Variants in FOXK1 observed in about 807,000 individuals in gnomAD.
The protein encoded by FOXK1 is forkhead box protein K1.
Under a neutral mutation model 51.9 loss-of-function variants are expected in FOXK1, and 19 were observed. The observed-to-expected ratio is 0.37, with a 90% CI of 0.26 to 0.54. The LOEUF is 0.54. Ranked by LOEUF, FOXK1 falls within the 20% of genes least tolerant of loss-of-function variation. The probability of loss-of-function intolerance (pLI) is 0.87; values close to 1 mark genes in which losing one functional copy is unlikely to be tolerated. For synonymous variants in FOXK1, 537 were observed against 482.6 expected (o/e 1.11, Z -1.48); for missense variants, 870 against 1,032.7 (o/e 0.84, Z 2.16).
At chr7:4,706,562 C>G (rs745564109) in intron 1 of FOXK1, among the ~76,000 whole-genome samples, 1 of 152,150 alleles carries the variant, frequency 6.6e-6, no homozygotes, top group African/African-American at 2.4e-5. Flanking sequence ...GAAGGAACCT[C>G]TCCACCCTTC....
At chr7:4,754,151 T>C (rs1562389952) in intron 2 of FOXK1, among the ~76,000 whole-genome samples, 1 of 152,080 alleles carries the variant, frequency 6.6e-6, no homozygotes, top group Non-Finnish European at 1.5e-5. Flanking sequence ...TGGGGGGACC[T>C]GAGGAGGGGC....
Position 4,756,084 on chromosome 7 carries a change from G to A in FOXK1, c.1050+701G>A, listed in dbSNP as rs926634183. Among the ~76,000 whole-genome samples the A allele has an allele frequency of 6.6e-6, 1 of 152,170 alleles. No individual in the cohort carries two copies. The highest frequency in any genetic ancestry group is 1.5e-5 in the Non-Finnish European group (1 of 68,030). On this transcript the variant is annotated intron_variant, in intron 4 of 8. Coordinates refer to ENST00000328914, the MANE Select transcript of FOXK1 (RefSeq NM_001037165.2). The surrounding 1 kb of genome is among the most constrained non-coding windows in gnomAD (Gnocchi z 4.1). ...TTTGCCTGTATTTTCTCCAATGTCA[G>A]TGTAGCGCATCCACTAGCTTTGGTT...
rs770851128 is a variant in FOXK1 at position 4,749,022 on chromosome 7, G to A, written c.747-5437G>A. ...GCTTCTGGGACTGGCTGTGCCTGGC[G>A]GGCCTCTGAGCTGAGTCTCTCATGC... On this transcript the variant is annotated intron_variant, in intron 2 of 8. Transcript: ENST00000328914. The surrounding 1 kb of genome is among the most constrained non-coding windows in gnomAD (Gnocchi z 6.0). Among the ~76,000 whole-genome samples the A allele has an allele frequency of 1.1e-4, 16 of 152,278 alleles. No individual in the cohort carries two copies. Among genetic ancestry groups the A allele is most frequent in the Middle Eastern group, 6.8e-3 (2 of 294 alleles).
chr7:4,746,899 C>T (rs961823828), intron 2 of FOXK1, among the ~76,000 whole-genome samples: 5 of 152,160 alleles, frequency 3.3e-5, no homozygotes, highest in Admixed American at 1.3e-4. Context: ...GCCTTGCTGC[C>T]CCTCCCCACC....
intron 2 of FOXK1, among the ~76,000 whole-genome samples, chr7:4,746,426 G>T (rs1214781246): frequency 1.3e-5 from 2 of 152,036 alleles, no homozygotes; most frequent in African/African-American, 2.4e-5. Flanking sequence ...GCTGGGTGTG[G>T]TGACGCACTT....
Position 4,729,112 on chromosome 7 carries a change from T to C in FOXK1, c.561-11726T>C, listed in dbSNP as rs1780417699. Among the ~76,000 whole-genome samples, 1 of 152,228 alleles carries C rather than the reference T, an allele frequency of 6.6e-6. No individual in the cohort carries two copies. The highest frequency in any genetic ancestry group is 1.5e-5 in the Non-Finnish European group (1 of 68,032). Reference sequence around the variant, plus strand: ...CAGAACACTGTGTCTGTGTCCGCTGTCTTAAAGAGCCTAGTCCATCTTTAC... The same window carrying C: ...CAGAACACTGTGTCTGTGTCCGCTGCCTTAAAGAGCCTAGTCCATCTTTAC... On this transcript the variant is annotated intron_variant, in intron 1 of 8. Transcript: ENST00000328914. This position sits in a 1 kb window ranked among gnomAD's most constrained non-coding sequence, Gnocchi z 6.2.
At chr7:4,687,698 A>T (rs527569406) in intron 1 of FOXK1, among the ~76,000 whole-genome samples, 1 of 152,310 alleles carries the variant, frequency 6.6e-6, no homozygotes, top group African/African-American at 2.4e-5. Context: ...CATATCCCAT[A>T]CTTGCTCTTC....
At position 4,731,328 on chromosome 7, in the gene FOXK1, C is replaced by CT. The variant is rs1188958492; in HGVS notation, c.561-9507dup. Reference sequence around the variant, plus strand: ...AGAACCAGGCGAGCCAGGTTTAGTACTTTATCGGGTATCCTAAAGACACGT... The same window carrying CT: ...AGAACCAGGCGAGCCAGGTTTAGTACTTTTATCGGGTATCCTAAAGACACGT... On this transcript the variant is annotated intron_variant, in intron 1 of 8. Coordinates refer to ENST00000328914, the MANE Select transcript of FOXK1 (RefSeq NM_001037165.2). This position sits in a 1 kb window ranked among gnomAD's most constrained non-coding sequence, Gnocchi z 5.3. 2.0e-5 allele frequency among the ~76,000 whole-genome samples: 3 copies of CT among 152,248 alleles called. No individual in the cohort carries two copies. The highest frequency in any genetic ancestry group is 7.2e-5 in the African/African-American group (3 of 41,464).
At chr7:4,752,014 G>A (rs1387724742) in intron 2 of FOXK1, among the ~76,000 whole-genome samples, 2 of 152,072 alleles carry the variant, frequency 1.3e-5, no homozygotes, top group Admixed American at 1.3e-4. Flanking sequence ...GTGCAGTGGT[G>A]TGATCATAGC....
In FOXK1 at chr7:4,769,372, A is replaced by G. The variant is rs3750016; in HGVS notation, c.*6908A>G. The G allele has an allele frequency of 0.22, 33,120 of 151,784 alleles. 7,629 individuals carry two copies. The highest frequency in any genetic ancestry group is 0.58 in the African/African-American group (24,184 of 41,424). 9.4% of individuals were successfully genotyped at this position (151,784 alleles called of 1,614,324 possible). On this transcript the variant is annotated 3_prime_UTR_variant, in exon 9 of 9. Transcript: ENST00000328914. This position sits in a 1 kb window ranked among gnomAD's most constrained non-coding sequence, Gnocchi z 4.1. ...GTGACCCAGTTGCGTCTTAAGTTCC[A>G]TCGTCCAGATTTCAGGCCACCAGAG... is the stretch of plus-strand genomic sequence containing the variant.
Position 4,755,548 on chromosome 7 carries a change from G to A in FOXK1, c.1050+165G>A, listed in dbSNP as rs1337247748. 6.6e-6 allele frequency among the ~76,000 whole-genome samples: 1 copy of A among 152,168 alleles called. No homozygotes were observed. Among genetic ancestry groups the A allele is most frequent in the Non-Finnish European group, 1.5e-5 (1 of 68,034 alleles). The stretch of plus-strand genomic sequence containing the variant: ...GCAGGAGGAGGATCAAGACCAGCCT[G>A]TGCAACATAGAGAGAACCTCTTTTC... On this transcript the variant is annotated intron_variant, in intron 4 of 8. Coordinates refer to ENST00000328914, the MANE Select transcript of FOXK1 (RefSeq NM_001037165.2). The surrounding 1 kb of genome is among the most constrained non-coding windows in gnomAD (Gnocchi z 6.6).
intron 1 of FOXK1, among the ~76,000 whole-genome samples, chr7:4,704,816 A>G (rs1583186595): frequency 1.5e-5 from 2 of 136,302 alleles, no homozygotes; most frequent in Non-Finnish European, 3.0e-5. Flanking sequence ...AGCCTCCCAA[A>G]CCAATCTATG....
At chr7:4,692,401 T>C (rs1330451888) in intron 1 of FOXK1, among the ~76,000 whole-genome samples, 1 of 152,206 alleles carries the variant, frequency 6.6e-6, no homozygotes, top group African/African-American at 2.4e-5. Flanking sequence ...TCTTTTTTTG[T>C]TGTTTTGTTT....
chr7:4,714,440 G>A (rs552494327), intron 1 of FOXK1, among the ~76,000 whole-genome samples: 12 of 152,216 alleles, frequency 7.9e-5, no homozygotes, highest in African/African-American at 2.2e-4. Context: ...CCCCATGCCC[G>A]GCTAATTTTT....
intron 3 of FOXK1, 100 bp downstream of exon 3, chr7:4,754,715 T>C: frequency 7.1e-7 from 1 of 1,399,918 alleles, no homozygotes; most frequent in Admixed American, 2.1e-5. Context: ...TGCGGGCGTG[T>C]GCTCGAGGTG....
rs963347317 is a variant in FOXK1, at chr7:4,709,914, G to A, written c.560+27046G>A. Among the ~76,000 whole-genome samples the A allele has an allele frequency of 1.4e-4, 22 of 152,308 alleles. No individual in the cohort carries two copies. The highest frequency in any genetic ancestry group is 4.8e-4 in the African/African-American group (20 of 41,560). On this transcript the variant is annotated intron_variant, in intron 1 of 8. Transcript: ENST00000328914. The surrounding 1 kb of genome is among the most constrained non-coding windows in gnomAD (Gnocchi z 5.6). ...AACAACGCGTGACACGTTTGAACAC[G>A]GAAGAACACGGAAGCCTGTGTGTTA...
chr7:4,689,041 A>T (rs915871683), intron 1 of FOXK1, among the ~76,000 whole-genome samples: 2 of 150,406 alleles, frequency 1.3e-5, no homozygotes, highest in African/African-American at 4.9e-5. Flanking sequence ...CAGTGGCACC[A>T]TCTTGGCTCA....
chr7:4,691,523 C>G (rs148387650), intron 1 of FOXK1, among the ~76,000 whole-genome samples: 29 of 151,690 alleles, frequency 1.9e-4, no homozygotes, highest in Admixed American at 7.2e-4. Flanking sequence ...TTAGTGGAGA[C>G]GGGGGTTTTA....
rs1436650756 is a variant in FOXK1 at position 4,755,759 on chromosome 7, A to T, written c.1050+376A>T. 6.6e-5 allele frequency among the ~76,000 whole-genome samples: 10 copies of T among 152,226 alleles called. No homozygotes were observed. The highest frequency in any genetic ancestry group is 2.4e-4 in the African/African-American group (10 of 41,452). On this transcript the variant is annotated intron_variant, in intron 4 of 8. Coordinates refer to ENST00000328914, the MANE Select transcript of FOXK1 (RefSeq NM_001037165.2). This position sits in a 1 kb window ranked among gnomAD's most constrained non-coding sequence, Gnocchi z 6.6. ...AAAGAAAAAAAATATCTTTTTAACT[A>T]AGAAGATAAATATAAAAGAGGGATG...
Sources: allele counts gnomAD v4.1 joint callset (sites outside exome capture counted in the v4.1 genomes callset), GRCh38; gene constraint gnomAD v4.1.1; non-coding constraint Gnocchi (gnomAD v3.1); transcripts MANE v1.5; gene names NCBI Gene and HGNC (gene_info 2026-07-23, HGNC 2026-07-21).